Variants in G2E3 observed in about 807,000 individuals in gnomAD.
The protein encoded by G2E3 is G2/M phase-specific E3 ubiquitin-protein ligase.
A neutral mutation model predicts 92.8 loss-of-function variants in G2E3; 35 were observed. The ratio of observed to expected loss-of-function variants is 0.38; its 90% CI spans 0.29 to 0.50. G2E3 has a LOEUF of 0.50. Ranked by LOEUF, G2E3 falls within the 20% of genes least tolerant of loss-of-function variation. The pLI is 0.94. For missense variants in G2E3, 554 were observed against 823.8 expected (o/e 0.67, Z 4.01); for synonymous variants, 242 against 272.4 (o/e 0.89, Z 1.10).
chr14:30,562,655 G>C (rs1879177618), intron 1 of G2E3, among the ~76,000 whole-genome samples: 1 of 151,946 alleles, frequency 6.6e-6, no homozygotes, highest in Admixed American at 6.5e-5. Flanking sequence ...TCTTGTGGAG[G>C]GCCTGACACC....
At chr14:30,602,726 C>T (rs910964756) in intron 10 of G2E3, 1 of 152,270 alleles carries the variant, frequency 6.6e-6, no homozygotes, top group Non-Finnish European at 1.5e-5. Flanking sequence ...ATCCTCCCAC[C>T]TGAGCCTACC....
intron 3 of G2E3, among the ~76,000 whole-genome samples, chr14:30,587,281 G>T (rs1025417431): frequency 6.6e-6 from 1 of 152,118 alleles, no homozygotes; most frequent in Non-Finnish European, 1.5e-5. Context: ...GTTACTTTAT[G>T]TATCACTCAG....
chr14:30,605,425 G>T (rs1463649068), intron 10 of G2E3, 80 bp from the exon 11 acceptor site: 1 of 525,998 alleles, frequency 1.9e-6, no homozygotes, highest in African/African-American at 2.0e-5. Flanking sequence ...CCCTCGTCTT[G>T]TTTTATTGGC....
At chr14:30,595,236 A>G (rs190514852) in intron 6 of G2E3, among the ~76,000 whole-genome samples, 3 of 152,250 alleles carry the variant, frequency 2.0e-5, no homozygotes, top group Non-Finnish European at 2.9e-5. Context: ...TAGAGAGTGC[A>G]GTTAATAAAC....
At position 30,562,867 on chromosome 14, in the gene G2E3, G is replaced by A. The variant is rs570681211; in HGVS notation, c.-5+3595G>A. ...TGTAAGCTGTCTCTCTCTCTGCCTC[G>A]GCTGCCAGGCAGGGAAGGGCCCCCT... is the stretch of plus-strand genomic sequence containing the variant. On this transcript the variant is annotated intron_variant, in intron 1 of 14. Coordinates refer to ENST00000206595, the MANE Select transcript of G2E3 (RefSeq NM_017769.5). 9.9e-5 allele frequency among the ~76,000 whole-genome samples: 15 copies of A among 152,208 alleles called. No individual in the cohort carries two copies. In the South Asian group the frequency reaches 1.9e-3, roughly 19 times the overall value.
intron 1 of G2E3, chr14:30,577,647 G>C (rs1880193119): frequency 6.6e-6 from 1 of 152,206 alleles, no homozygotes; most frequent in Non-Finnish European, 1.5e-5. Flanking sequence ...TGACATGGCA[G>C]CTGGCTTCCT....
In G2E3 at chr14:30,586,734, A is replaced by G; in HGVS notation, c.54A>G (p.Arg18=). Residue 18 remains arginine, a synonymous_variant, in exon 3 of 15, where the codon CGA becomes CGG. Coordinates refer to ENST00000206595, the MANE Select transcript of G2E3 (RefSeq NM_017769.5). ...CACTGTTAGCTTGTGTTTTCTGTCGAAAACATGATGACTGTCCTAATAAAT... is the reference window on the plus strand; with the variant it reads ...CACTGTTAGCTTGTGTTTTCTGTCGGAAACATGATGACTGTCCTAATAAAT... ...DSQNLACVFC[R]KHDDCPNKYG... The G allele has an allele frequency of 7.2e-7, 1 of 1,383,622 alleles. No homozygotes were observed. The highest frequency in any genetic ancestry group is 9.9e-7 in the Non-Finnish European group (1 of 1,012,294). 85.7% of individuals were successfully genotyped at this position (1,383,622 alleles called of 1,614,324 possible). A position where few individuals can be genotyped will look rare whatever the true frequency, so the allele number is the denominator to read the frequency against.
intron 8 of G2E3, among the ~76,000 whole-genome samples, chr14:30,600,808 C>G (rs1240704581): frequency 6.6e-6 from 1 of 152,226 alleles, no homozygotes; most frequent in Non-Finnish European, 1.5e-5. Context: ...TGAGACTTGG[C>G]TAGTGTGAAC....
intron 5 of G2E3, 75 bp from the exon 6 acceptor site, chr14:30,593,399 A>G (rs1012571403): frequency 6.1e-5 from 41 of 674,532 alleles, no homozygotes; most frequent in African/African-American, 5.9e-4. Context: ...TTCATTTTAT[A>G]TATGTGAATT....
At position 30,619,084 on chromosome 14, in the gene G2E3, C is replaced by G. The variant is rs1318146625; in HGVS notation, c.*2550C>G. On this transcript the variant is annotated 3_prime_UTR_variant, in exon 15 of 15. Transcript: ENST00000206595. ...CTTTCCAATATGGAAACTTTAACACCTTTTATACAATTCTCTACTATTCAA... is the reference window on the plus strand; with the variant it reads ...CTTTCCAATATGGAAACTTTAACACGTTTTATACAATTCTCTACTATTCAA... 1.3e-5 allele frequency: 2 copies of G among 151,934 alleles called. No homozygotes were observed. The highest frequency in any genetic ancestry group is 2.9e-5 in the Non-Finnish European group (2 of 67,910). 9.4% of individuals were successfully genotyped at this position (151,934 alleles called of 1,614,324 possible).
At chr14:30,570,190 A>G (rs1879674756) in intron 1 of G2E3, among the ~76,000 whole-genome samples, 1 of 152,086 alleles carries the variant, frequency 6.6e-6, no homozygotes, top group Non-Finnish European at 1.5e-5. Context: ...TTTGGCTCTT[A>G]ATCTTATTGG....
At chr14:30,584,010 G>A (rs1360210604) in intron 2 of G2E3, among the ~76,000 whole-genome samples, 1 of 152,122 alleles carries the variant, frequency 6.6e-6, no homozygotes, top group African/African-American at 2.4e-5. Context: ...CTATTAAGTA[G>A]TCACCCCTCA....
intron 6 of G2E3, among the ~76,000 whole-genome samples, chr14:30,597,118 G>A (rs1382980290): frequency 1.3e-5 from 2 of 151,880 alleles, no homozygotes; most frequent in African/African-American, 4.8e-5. Flanking sequence ...ATTTTAAAGG[G>A]CAACACAACA....
chr14:30,576,326 A>G lies in G2E3; in HGVS notation c.-4-4750A>G, dbSNP rs112875761. ...ATATCTGGCTAGCCATATGCAGAAG[A>G]TTGAAGCTGGACCCCTTCCTAACAC... is the stretch of plus-strand genomic sequence containing the variant. On this transcript the variant is annotated intron_variant, in intron 1 of 14. Transcript: ENST00000206595. Among the ~76,000 whole-genome samples, 609 of 152,344 alleles carry G rather than the reference A, an allele frequency of 4.0e-3. 7 individuals carry two copies. The highest frequency in any genetic ancestry group is 0.013 in the African/African-American group (553 of 41,576).
intron 10 of G2E3, among the ~76,000 whole-genome samples, chr14:30,602,476 G>A (rs913486833): frequency 2.6e-5 from 4 of 152,082 alleles, no homozygotes; most frequent in Admixed American, 2.6e-4. Flanking sequence ...TTTCAAGATA[G>A]TTTGAAAAAC....
intron 2 of G2E3, among the ~76,000 whole-genome samples, chr14:30,586,104 C>T (rs1476680608): frequency 2.0e-5 from 3 of 152,214 alleles, no homozygotes; most frequent in East Asian, 3.8e-4. Flanking sequence ...AGCAGAGGCT[C>T]CAGCCCTGAG....
intron 12 of G2E3, among the ~76,000 whole-genome samples, chr14:30,608,893 A>G (rs994363895): frequency 1.1e-4 from 16 of 152,194 alleles, no homozygotes; most frequent in Non-Finnish European, 5.9e-5. Flanking sequence ...GAGTCACAAG[A>G]ATAATTTGAA....
At chr14:30,601,315 G>C (rs1881556614) in intron 8 of G2E3, among the ~76,000 whole-genome samples, 1 of 152,222 alleles carries the variant, frequency 6.6e-6, no homozygotes, top group Non-Finnish European at 1.5e-5. Flanking sequence ...GAGCCAGGTA[G>C]ATCTGGATTC....
chr14:30,595,580 C>T (rs899460031), intron 6 of G2E3, among the ~76,000 whole-genome samples: 1 of 152,106 alleles, frequency 6.6e-6, no homozygotes, highest in Non-Finnish European at 1.5e-5. Context: ...AACTGAAGAT[C>T]ACAGCCACAT....
Sources: allele counts gnomAD v4.1 joint callset (sites outside exome capture counted in the v4.1 genomes callset), GRCh38; gene constraint gnomAD v4.1.1; transcripts MANE v1.5; gene names NCBI Gene and HGNC (gene_info 2026-07-23, HGNC 2026-07-21).